The following RBM20 variants were observed in gnomAD, a reference collection of about 807,000 sequenced individuals.
RBM20 encodes RNA-binding protein 20.
In RBM20, 51 loss-of-function variants were observed where a neutral mutation model predicts 110.1. The observed-to-expected ratio is 0.46, with a 90% CI of 0.37 to 0.59. RBM20 has a LOEUF of 0.59. Among genes scored for constraint, RBM20 ranks in the 20% least tolerant of loss-of-function variants. The pLI is 0.00. For synonymous variants in RBM20, 589 were observed against 618.2 expected (o/e 0.95, Z 0.70); for missense variants, 1,512 against 1,574.9 (o/e 0.96, Z 0.68).
intron 4 of RBM20, 105 bp downstream of exon 4, chr10:110,784,537 C>G: frequency 1.1e-6 from 1 of 879,918 alleles, no homozygotes; most frequent in Non-Finnish European, 1.9e-6. Flanking sequence ...GTCCCCTTCT[C>G]ACGGATGTAG....
At chr10:110,767,458 G>A (rs1844116712) in intron 1 of RBM20, among the ~76,000 whole-genome samples, 1 of 150,712 alleles carries the variant, frequency 6.6e-6, no homozygotes. Context: ...CAGACGGGGT[G>A]GCTGCCGGGC....
At chr10:110,773,398 C>T (rs1275541418) in intron 1 of RBM20, among the ~76,000 whole-genome samples, 1 of 152,012 alleles carries the variant, frequency 6.6e-6, no homozygotes, top group African/African-American at 2.4e-5. Flanking sequence ...AATTTTGAAG[C>T]AAAATGACCA....
intron 1 of RBM20, among the ~76,000 whole-genome samples, chr10:110,696,726 G>A (rs1428256219): frequency 6.6e-6 from 1 of 152,198 alleles, no homozygotes; most frequent in African/African-American, 2.4e-5. Context: ...GAGAGGGAGA[G>A]CCAAAGGGAA....
chr10:110,812,237 G>A, intron 8 of RBM20, 41 bp from the exon 9 acceptor site: 2 of 1,487,348 alleles, frequency 1.3e-6, no homozygotes, highest in South Asian at 1.3e-5. Context: ...TGGGATGGGA[G>A]GTGTGAAGAT....
At chr10:110,680,112 C>T (rs1423832584) in intron 1 of RBM20, among the ~76,000 whole-genome samples, 2 of 151,870 alleles carry the variant, frequency 1.3e-5, no homozygotes, top group African/African-American at 2.4e-5. Context: ...GCATTAGAGC[C>T]GGGAGCCGGG....
At chr10:110,819,992 G>A in intron 9 of RBM20, 80 bp from the exon 10 acceptor site, 3 of 850,286 alleles carry the variant, frequency 3.5e-6, no homozygotes, top group Non-Finnish European at 3.6e-6. Flanking sequence ...GCTGGGACCT[G>A]CATTCAATAT....
At chr10:110,748,446 G>T (rs1376259999) in intron 1 of RBM20, among the ~76,000 whole-genome samples, 2 of 152,142 alleles carry the variant, frequency 1.3e-5, no homozygotes, top group African/African-American at 2.4e-5. Flanking sequence ...ATATGGGGCA[G>T]ATAGGGTTTC....
At chr10:110,807,288 A>G (rs1844706637) in intron 7 of RBM20, among the ~76,000 whole-genome samples, 1 of 152,170 alleles carries the variant, frequency 6.6e-6, no homozygotes, top group Admixed American at 6.5e-5. Context: ...TCCAGGAGGT[A>G]TGGGCTGAAA....
chr10:110,647,872 A>G (rs1361905902), intron 1 of RBM20, among the ~76,000 whole-genome samples: 3 of 152,244 alleles, frequency 2.0e-5, no homozygotes, highest in Non-Finnish European at 4.4e-5. Flanking sequence ...ATGAAAACAG[A>G]GCCACTCAAT....
At chr10:110,732,682 G>C (rs1032674598) in intron 1 of RBM20, among the ~76,000 whole-genome samples, 1 of 152,136 alleles carries the variant, frequency 6.6e-6, no homozygotes, top group African/African-American at 2.4e-5. Context: ...CCCCATCGTT[G>C]GGTTCCAGAG....
At chr10:110,738,742 C>T (rs1443229784) in intron 1 of RBM20, among the ~76,000 whole-genome samples, 2 of 151,918 alleles carry the variant, frequency 1.3e-5, no homozygotes, top group African/African-American at 2.4e-5. Flanking sequence ...TGGAAGAGCA[C>T]GCGGGGCATG....
chr10:110,782,386 G>A (rs1307376619), intron 2 of RBM20, among the ~76,000 whole-genome samples: 1 of 152,200 alleles, frequency 6.6e-6, no homozygotes, highest in Non-Finnish European at 1.5e-5. Context: ...TGGAGGTAGA[G>A]TCTCATGACA....
chr10:110,676,500 C>G (rs575013292), intron 1 of RBM20, among the ~76,000 whole-genome samples: 1 of 152,244 alleles, frequency 6.6e-6, no homozygotes, highest in Non-Finnish European at 1.5e-5. Flanking sequence ...AACTATCGCT[C>G]TCAGAATTTA....
At chr10:110,702,178 G>A (rs748928386) in intron 1 of RBM20, among the ~76,000 whole-genome samples, 1 of 152,154 alleles carries the variant, frequency 6.6e-6, no homozygotes, top group Non-Finnish European at 1.5e-5. Context: ...AGTGTTAAAC[G>A]TGTTCACTCT....
At chr10:110,740,321 T>C (rs1053082619) in intron 1 of RBM20, among the ~76,000 whole-genome samples, 5 of 152,202 alleles carry the variant, frequency 3.3e-5, no homozygotes, top group African/African-American at 9.7e-5. Context: ...GTGTCGGAGA[T>C]AGAAAACAAC....
intron 1 of RBM20, among the ~76,000 whole-genome samples, chr10:110,733,275 A>G (rs1843637205): frequency 1.3e-5 from 2 of 152,192 alleles, no homozygotes; most frequent in African/African-American, 4.8e-5. Context: ...CCCCGTCCCC[A>G]ACCCTGATAT....
intron 5 of RBM20, among the ~76,000 whole-genome samples, chr10:110,796,971 A>G (rs1844557846): frequency 6.6e-6 from 1 of 152,170 alleles, no homozygotes; most frequent in Admixed American, 6.5e-5. Context: ...TATAGGATAC[A>G]TTTCTAAGAG....
intron 1 of RBM20, among the ~76,000 whole-genome samples, chr10:110,707,847 G>T (rs1862865047): frequency 6.6e-6 from 1 of 152,182 alleles, no homozygotes; most frequent in South Asian, 2.1e-4. Context: ...GCCGCGGGAT[G>T]ACGATAGTCA....
chr10:110,818,027 T>G (rs1844861376), intron 9 of RBM20, among the ~76,000 whole-genome samples: 1 of 151,950 alleles, frequency 6.6e-6, no homozygotes, highest in South Asian at 2.1e-4. Context: ...CGCCTGTAAT[T>G]CCAGCACTTT....
Sources: gnomAD v4.1 joint callset for allele counts (sites outside exome capture counted in the v4.1 genomes callset) on GRCh38, gnomAD v4.1.1 for gene constraint, MANE v1.5 for transcripts, NCBI Gene and HGNC (gene_info 2026-07-23, HGNC 2026-07-21) for gene names.